The following PKHD1L1 variants were observed in gnomAD, a reference collection of about 807,000 sequenced individuals.
PKHD1L1 encodes the protein PKHD1 like 1, also known as fibrocystin-L.
A neutral mutation model predicts 462.9 loss-of-function variants in PKHD1L1; 434 were observed. The ratio of observed to expected loss-of-function variants is 0.94; its 90% CI spans 0.87 to 1.02. The LOEUF is 1.02. PKHD1L1 is among the 50% of genes least tolerant of loss of function. PKHD1L1 has a pLI of 0.00. For synonymous variants in PKHD1L1, 1,781 were observed against 1,750.0 expected (o/e 1.02, Z -0.44); for missense variants, 5,202 against 5,096.1 (o/e 1.02, Z -0.63).
rs371007060 is a variant in PKHD1L1, at chr8:109,492,125, A to ATT, written c.10236+143_10236+144dup. On this transcript the variant is annotated intron_variant, in intron 62 of 77. Transcript: ENST00000378402. ...ATGATGTAAGTTTCGATGGCCATTG[A>ATT]TTTTTTTTTTTTTCTGTCAATGTCT... 5.5e-3 allele frequency: 2,723 copies of ATT among 499,496 alleles called. 46 individuals carry two copies. The highest frequency in any genetic ancestry group is 0.053 in the African/African-American group (2,205 of 41,388). The allele number at this position is 499,496 out of a possible 1,614,324, so 30.9% of individuals were successfully genotyped here. A position where few individuals can be genotyped will look rare whatever the true frequency, so the allele number is the denominator to read the frequency against.
At chr8:109,404,374 T>C (rs760053986) in intron 14 of PKHD1L1, among the ~76,000 whole-genome samples, 180 bp from the exon 15 acceptor site, 1 of 152,162 alleles carries the variant, frequency 6.6e-6, no homozygotes, top group Non-Finnish European at 1.5e-5. Context: ...CATAATTCAT[T>C]TTATTTTGGC....
chr8:109,486,893 C>A (rs1818557163), intron 59 of PKHD1L1, 72 bp downstream of exon 59: 1 of 1,356,722 alleles, frequency 7.4e-7, no homozygotes, highest in South Asian at 1.6e-5. Context: ...TCAGCTCTTA[C>A]ATAATTCTCA....
At chr8:109,414,241 T>G (rs1425072073) in intron 21 of PKHD1L1, among the ~76,000 whole-genome samples, 1 of 152,174 alleles carries the variant, frequency 6.6e-6, no homozygotes, top group Non-Finnish European at 1.5e-5. Flanking sequence ...GACACATACC[T>G]TTCTATTTTA....
chr8:109,470,571 T>C (rs1465184477), intron 50 of PKHD1L1: 1 of 1,601,990 alleles, frequency 6.2e-7, no homozygotes, highest in Non-Finnish European at 8.5e-7. Flanking sequence ...TTCAGCTTAG[T>C]TCCCAGCATG....
chr8:109,467,265 A>G (rs919628389), intron 50 of PKHD1L1, among the ~76,000 whole-genome samples: 1 of 152,128 alleles, frequency 6.6e-6, no homozygotes, highest in Non-Finnish European at 1.5e-5. Flanking sequence ...CATTGTTCAT[A>G]ATCCATCTGG....
chr8:109,430,972 C>A (rs1437291368), intron 27 of PKHD1L1, among the ~76,000 whole-genome samples: 1 of 138,964 alleles, frequency 7.2e-6, no homozygotes, highest in African/African-American at 2.6e-5. Context: ...TGAATTCCCA[C>A]TTTTTTTTTT....
At position 109,491,996 on chromosome 8, in the gene PKHD1L1, T is replaced by C; in HGVS notation, c.10236+2T>C. 6.6e-7 allele frequency: 1 copy of C among 1,510,452 alleles called. No homozygotes were observed. The highest frequency in any genetic ancestry group is 8.9e-7 in the Non-Finnish European group (1 of 1,123,128). 93.6% of individuals were successfully genotyped at this position (1,510,452 alleles called of 1,614,324 possible). On this transcript the variant is annotated splice_donor_variant, in intron 62 of 77. Transcript: ENST00000378402. LOFTEE classifies it high-confidence loss of function. ...ACTCTCTGGCATGCAGCAATTGAGG[T>C]AGTGAAAACAAACTTATAATTATAC...
At chr8:109,508,940 C>T (rs1819837308) in intron 70 of PKHD1L1, among the ~76,000 whole-genome samples, 1 of 152,056 alleles carries the variant, frequency 6.6e-6, no homozygotes, top group Non-Finnish European at 1.5e-5. Flanking sequence ...AAACACAGGA[C>T]AGGGATTCAT....
At chr8:109,494,147 A>G (rs1379811906) in intron 63 of PKHD1L1, among the ~76,000 whole-genome samples, 1 of 151,956 alleles carries the variant, frequency 6.6e-6, no homozygotes, top group Non-Finnish European at 1.5e-5. Flanking sequence ...TTAAACCTGC[A>G]TGCATCAAAA....
At chr8:109,366,357 C>T (rs552987739) in intron 2 of PKHD1L1, among the ~76,000 whole-genome samples, 1 of 152,304 alleles carries the variant, frequency 6.6e-6, no homozygotes, top group African/African-American at 2.4e-5. Context: ...TGACTAAAAA[C>T]GTGTTCTCAT....
At position 109,445,096 on chromosome 8, in the gene PKHD1L1, T is replaced by C. The variant is rs1474037487; in HGVS notation, c.5227T>C (p.Tyr1743His). ...GTGCCAGGGAAACTGCACCTTTTCATACTTAGAAAGCATCACTCCTTACAT... is the reference window on the plus strand; with the variant it reads ...GTGCCAGGGAAACTGCACCTTTTCACACTTAGAAAGCATCACTCCTTACAT... ...AQCQGNCTFS[Y>H]LESITPYITG... Residue 1743 changes from tyrosine (Y) to histidine (H), a missense_variant, in exon 38 of 78, where the codon TAC becomes CAC. Physicochemically the swap from Tyr to His is moderately conservative, Grantham distance 83. Around this residue, in one of 3 missense-constraint regions of PKHD1L1, gnomAD observed 4,497 missense variants for 4,336.8 expected, o/e 1.04. Coordinates refer to ENST00000378402, the MANE Select transcript of PKHD1L1 (RefSeq NM_177531.6). 3 of 1,613,894 alleles carry C rather than the reference T, an allele frequency of 1.9e-6. No individual in the cohort carries two copies. The East Asian group carries it at 6.7e-5, about 36-fold the overall frequency.
chr8:109,406,572 G>C, intron 17 of PKHD1L1, 94 bp downstream of exon 17: 1 of 1,328,058 alleles, frequency 7.5e-7, no homozygotes, highest in Non-Finnish European at 9.9e-7. Flanking sequence ...AAAAAGACTT[G>C]GTTAATCTTA....
chr8:109,488,128 C>T (rs1003800487), intron 59 of PKHD1L1, among the ~76,000 whole-genome samples: 3 of 151,826 alleles, frequency 2.0e-5, no homozygotes, highest in African/African-American at 7.3e-5. Context: ...AAAATCTCCC[C>T]TAAACAACTA....
chr8:109,376,020 T>C (rs1465097033), intron 2 of PKHD1L1, among the ~76,000 whole-genome samples: 1 of 152,220 alleles, frequency 6.6e-6, no homozygotes, highest in East Asian at 1.9e-4. Flanking sequence ...CACTACTCTC[T>C]TCAAAGCTGT....
intron 59 of PKHD1L1, among the ~76,000 whole-genome samples, chr8:109,488,493 C>T (rs1167217642): frequency 6.6e-6 from 1 of 151,938 alleles, no homozygotes; most frequent in Non-Finnish European, 1.5e-5. Flanking sequence ...GACTGGAACT[C>T]ATTGTTCCTC....
At chr8:109,429,194 A>T (rs1045237633) in intron 25 of PKHD1L1, 146 bp from the exon 26 acceptor site, 3 of 712,602 alleles carry the variant, frequency 4.2e-6, no homozygotes, top group African/African-American at 3.8e-5. Context: ...CCTTTTATTT[A>T]AAAAAAGTGA....
chr8:109,454,635 G>A, intron 44 of PKHD1L1, 88 bp from the exon 45 acceptor site: 5 of 1,511,886 alleles, frequency 3.3e-6, no homozygotes, highest in East Asian at 4.5e-5. Context: ...AAAGAGAAGA[G>A]AGGATAGAAA....
rs1257968548 is a variant in PKHD1L1, at chr8:109,498,520, A to T, written c.10658A>T (p.Asp3553Val). The change falls in exon 66 of 78, where the codon GAT (aspartate) becomes GTT (valine). Residue 3553 changes from aspartate to valine, a missense_variant. By Grantham distance (152) the Asp-to-Val change is radical. Transcript: ENST00000378402. Reference sequence around the variant, plus strand: ...AATTGCTCTGATGTCCTAACTAATGATGATCCTAATATTGAACTCACTGCT... The same window carrying T: ...AATTGCTCTGATGTCCTAACTAATGTTGATCCTAATATTGAACTCACTGCT... ...GFNCSDVLTN[D>V]DPNIELTAAH... 1 of 1,613,846 alleles carries T rather than the reference A, an allele frequency of 6.2e-7. No homozygotes were observed. The highest frequency in any genetic ancestry group is 2.2e-5 in the East Asian group (1 of 44,878).
At chr8:109,448,636 C>T (rs1008732478) in intron 39 of PKHD1L1, among the ~76,000 whole-genome samples, 1 of 151,414 alleles carries the variant, frequency 6.6e-6, no homozygotes, top group Non-Finnish European at 1.5e-5. Flanking sequence ...CTCAGCCTCC[C>T]GAGTAGCTGG....
Sources: gnomAD v4.1 joint callset for allele counts (sites outside exome capture counted in the v4.1 genomes callset) on GRCh38, gnomAD v4.1.1 for gene constraint, gnomAD v4.1.1 regional missense constraint, MANE v1.5 for transcripts, NCBI Gene and HGNC (gene_info 2026-07-23, HGNC 2026-07-21) for gene names.